GRIA1: variants seen among roughly 807,000 people sequenced by gnomAD.
The protein encoded by GRIA1 is glutamate receptor 1.
Under a neutral mutation model 99.2 loss-of-function variants are expected in GRIA1, and 31 were observed. The observed-to-expected ratio is 0.31, with a 90% CI of 0.23 to 0.42. The LOEUF is 0.42. Among genes scored for constraint, GRIA1 ranks in the 10% least tolerant of loss-of-function variants. The probability of loss-of-function intolerance (pLI) is 1.00; values close to 1 mark genes in which losing one functional copy is unlikely to be tolerated. For missense variants in GRIA1, 782 were observed against 1,157.5 expected, an observed-to-expected ratio of 0.68 and a Z score of 4.71; for synonymous variants, 438 against 432.4, an observed-to-expected ratio of 1.01 and a Z score of -0.16.
intron 11 of GRIA1, among the ~76,000 whole-genome samples, chr5:153,723,128 T>TG (rs1242122477): frequency 1.3e-5 from 2 of 152,152 alleles, no homozygotes; most frequent in Admixed American, 6.5e-5. Flanking sequence ...TAGAAGGTAC[T>TG]GGGGGGACAA....
At chr5:153,590,188 G>C (rs1342408509) in intron 2 of GRIA1, among the ~76,000 whole-genome samples, 1 of 151,944 alleles carries the variant, frequency 6.6e-6, no homozygotes, top group African/African-American at 2.4e-5. Context: ...CAGAAGAACA[G>C]TTTCCTTCAA....
rs1045297658 is a variant in GRIA1, at chr5:153,493,929, G to C, written c.84G>C (p.Gly28=). ...GANFPNNIQI[G]GLFPNQQSQE... ...ATGTTGCATTTTCTTTTCTCATAGG[G>C]GGATTATTTCCAAACCAGCAGTCAC... The change falls in exon 2 of 16, where the codon GGG becomes GGC. Residue 28 remains glycine, a splice_region_variant and synonymous_variant. Coordinates refer to ENST00000285900, the MANE Select transcript of GRIA1 (RefSeq NM_000827.4). 2 of 1,613,922 alleles carry C rather than the reference G, an allele frequency of 1.2e-6. No individual in the cohort carries two copies. Among genetic ancestry groups the C allele is most frequent in the Middle Eastern group, 3.3e-4 (2 of 6,056 alleles).
intron 2 of GRIA1, among the ~76,000 whole-genome samples, chr5:153,587,264 CCT>C (rs1409753206): frequency 6.6e-6 from 1 of 151,966 alleles, no homozygotes; most frequent in Non-Finnish European, 1.5e-5. Context: ...CCCCCACCAC[CCT>C]CTCTCACTCT....
chr5:153,661,207 C>G (rs1755347678), intron 5 of GRIA1, among the ~76,000 whole-genome samples: 4 of 152,140 alleles, frequency 2.6e-5, no homozygotes, highest in Admixed American at 2.6e-4. Flanking sequence ...CTGTACCTCA[C>G]AGTTATGTTT....
chr5:153,682,131 G>A (rs1032337530), intron 7 of GRIA1, among the ~76,000 whole-genome samples: 4 of 152,082 alleles, frequency 2.6e-5, no homozygotes, highest in Admixed American at 6.5e-5. Flanking sequence ...CATGACTCAG[G>A]TAGGAAAGTG....
In GRIA1 at chr5:153,575,197, A is replaced by AAGAGAGAGAGAGAG. The variant is rs3064338; in HGVS notation, c.221-71720_221-71707dup. Among the ~76,000 whole-genome samples the AAGAGAGAGAGAGAG allele has an allele frequency of 3.4e-3, 500 of 147,752 alleles. 2 individuals carry two copies. Among genetic ancestry groups the AAGAGAGAGAGAGAG allele is most frequent in the Admixed American group, 6.5e-3 (96 of 14,842 alleles). ...GAGGTTTCATGGAAATCAAGAGAGA[A>AAGAGAGAGAGAGAG]AGAGAGAGAGAGAGAGAGAGAGAGC... On this transcript the variant is annotated intron_variant, in intron 2 of 15. Coordinates refer to ENST00000285900, the MANE Select transcript of GRIA1 (RefSeq NM_000827.4).
chr5:153,692,639 C>T (rs13359392), intron 8 of GRIA1, among the ~76,000 whole-genome samples: 65,590 of 151,900 alleles, frequency 0.43, 14,953 homozygotes, highest in African/African-American at 0.57. Flanking sequence ...TAGGATAAAG[C>T]TTGTCAACCC....
intron 2 of GRIA1, among the ~76,000 whole-genome samples, chr5:153,618,142 G>T (rs1346807898): frequency 6.6e-6 from 1 of 152,186 alleles, no homozygotes; most frequent in African/African-American, 2.4e-5. Context: ...GGAAATGGAT[G>T]GGCTAGAAAT....
chr5:153,620,470 A>G (rs2149421688), intron 2 of GRIA1, among the ~76,000 whole-genome samples: 1 of 152,284 alleles, frequency 6.6e-6, no homozygotes, highest in East Asian at 1.9e-4. Context: ...GCCTCTGGTC[A>G]GTTGGAAGCG....
At chr5:153,705,308 A>G (rs551139439) in intron 10 of GRIA1, among the ~76,000 whole-genome samples, 1 of 152,180 alleles carries the variant, frequency 6.6e-6, no homozygotes, top group Non-Finnish European at 1.5e-5. Context: ...CTGCTTCCCC[A>G]TGTAGCCAGA....
intron 3 of GRIA1, among the ~76,000 whole-genome samples, chr5:153,647,986 T>C (rs1228543354): frequency 2.0e-5 from 3 of 152,206 alleles, no homozygotes; most frequent in African/African-American, 7.2e-5. Context: ...TCCTACCTTC[T>C]CATTGTATAC....
At chr5:153,617,426 T>C (rs954233715) in intron 2 of GRIA1, among the ~76,000 whole-genome samples, 1 of 152,204 alleles carries the variant, frequency 6.6e-6, no homozygotes. Flanking sequence ...TTAATTCTTT[T>C]TGGGGAAGAT....
intron 14 of GRIA1, among the ~76,000 whole-genome samples, chr5:153,802,080 T>C (rs1234297071): frequency 3.3e-5 from 5 of 152,110 alleles, no homozygotes; most frequent in Admixed American, 3.3e-4. Flanking sequence ...TCTCTCACCC[T>C]AGAAAAGGCA....
chr5:153,788,964 T>C (rs1765138892), intron 13 of GRIA1, among the ~76,000 whole-genome samples: 1 of 152,242 alleles, frequency 6.6e-6, no homozygotes, highest in Non-Finnish European at 1.5e-5. Flanking sequence ...GTCATTTCTT[T>C]TCCATATTGA....
At chr5:153,643,220 A>C (rs1283671647) in intron 2 of GRIA1, among the ~76,000 whole-genome samples, 1 of 152,152 alleles carries the variant, frequency 6.6e-6, no homozygotes, top group Admixed American at 6.5e-5. Flanking sequence ...ATTAGACTAG[A>C]CTCTAGAATG....
intron 11 of GRIA1, among the ~76,000 whole-genome samples, chr5:153,728,466 A>C: frequency 7.9e-6 from 1 of 126,814 alleles, no homozygotes; most frequent in Admixed American, 8.3e-5. Context: ...ATGGGAGAAA[A>C]TTTTTGCAAC....
chr5:153,793,383 G>A (rs755037291), intron 13 of GRIA1, among the ~76,000 whole-genome samples: 1 of 152,132 alleles, frequency 6.6e-6, no homozygotes, highest in Non-Finnish European at 1.5e-5. Flanking sequence ...CCTCATGATG[G>A]TCTGTGAACC....
At chr5:153,501,719 G>T in intron 2 of GRIA1, among the ~76,000 whole-genome samples, 1 of 152,296 alleles carries the variant, frequency 6.6e-6, no homozygotes, top group Non-Finnish European at 1.5e-5. Context: ...TCTGGCAGAT[G>T]GGCAGGAGGA....
At chr5:153,707,851 G>A (rs1408406185) in intron 11 of GRIA1, among the ~76,000 whole-genome samples, 1 of 152,106 alleles carries the variant, frequency 6.6e-6, no homozygotes, top group Admixed American at 6.6e-5. Flanking sequence ...GAGGAGGTGT[G>A]AGACTGGCTG....
Sources: gnomAD v4.1 joint callset for allele counts (sites outside exome capture counted in the v4.1 genomes callset) on GRCh38, gnomAD v4.1.1 for gene constraint, MANE v1.5 for transcripts, NCBI Gene and HGNC (gene_info 2026-07-23, HGNC 2026-07-21) for gene names.